The following MOB4 variants were observed in gnomAD, a reference collection of about 807,000 sequenced individuals.
The protein encoded by MOB4 is MOB family member 4, phocein.
MOB4 carries 4 observed loss-of-function variants against 32.2 expected under a neutral mutation model. That is an observed-to-expected ratio of 0.12 (90% confidence interval 0.06 to 0.28). The LOEUF (loss-of-function observed/expected upper bound fraction) is 0.28. Ranked by LOEUF, MOB4 falls within the 10% of genes least tolerant of loss-of-function variation. MOB4 has a pLI of 1.00. For synonymous variants in MOB4, 88 were observed against 88.1 expected, an observed-to-expected ratio of 1.00 and a Z score of 0.01; for missense variants, 158 against 271.2, an observed-to-expected ratio of 0.58 and a Z score of 2.93.
At chr2:197,521,378 C>T (rs532453478) in intron 1 of MOB4, among the ~76,000 whole-genome samples, 38 of 152,234 alleles carry the variant, frequency 2.5e-4, no homozygotes, top group African/African-American at 8.2e-4. Flanking sequence ...TAGAATATCA[C>T]AAGGGAAATG....
At chr2:197,526,492 G>A (rs1404636209) in intron 2 of MOB4, among the ~76,000 whole-genome samples, 1 of 151,880 alleles carries the variant, frequency 6.6e-6, no homozygotes, top group Non-Finnish European at 1.5e-5. Flanking sequence ...AATTTTTGTA[G>A]TTTTAGTTAG....
chr2:197,538,134 A>C (rs989299829), intron 3 of MOB4, among the ~76,000 whole-genome samples: 2 of 149,738 alleles, frequency 1.3e-5, no homozygotes, highest in African/African-American at 5.0e-5. Context: ...TAGTGTTACA[A>C]GGGTTTTTTT....
At chr2:197,541,019 A>G (rs938079281) in intron 5 of MOB4, among the ~76,000 whole-genome samples, 4 of 149,980 alleles carry the variant, frequency 2.7e-5, no homozygotes, top group Non-Finnish European at 5.9e-5. Flanking sequence ...TCATGCATCA[A>G]CCTCCCAAGT....
In MOB4 at chr2:197,540,012, G is replaced by A. The variant is rs921090594; in HGVS notation, c.225-99G>A. The A allele has an allele frequency of 3.1e-6, 4 of 1,278,706 alleles. No individual in the cohort carries two copies. The African/African-American group carries it at 4.5e-5, about 14-fold the overall frequency. The allele number at this position is 1,278,706 out of a possible 1,614,324, so 79.2% of individuals were successfully genotyped here. On this transcript the variant is annotated intron_variant, in intron 3 of 7. Transcript: ENST00000323303. Reference sequence around the variant, plus strand: ...GGTTTTGAGAATGGTAATGAGGGAGGAGGGATGATACTGATGGGATTCTCT... The same window carrying A: ...GGTTTTGAGAATGGTAATGAGGGAGAAGGGATGATACTGATGGGATTCTCT...
At chr2:197,544,539 G>T (rs11899288) in intron 5 of MOB4, among the ~76,000 whole-genome samples, 64,258 of 151,978 alleles carry the variant, frequency 0.42, 14,116 homozygotes, top group South Asian at 0.56. Flanking sequence ...GGATCACGAG[G>T]TCAGGAGATC....
intron 1 of MOB4, 171 bp downstream of exon 1, chr2:197,516,317 T>C: frequency 7.0e-7 from 1 of 1,425,742 alleles, no homozygotes; most frequent in Middle Eastern, 2.6e-4. Flanking sequence ...GCTGAGGCGG[T>C]GGCGGCCGCC....
rs1236259069 is a variant in MOB4, at chr2:197,553,651, T to TA, written c.*3006dup. The TA allele has an allele frequency of 6.6e-6, 1 of 152,224 alleles. No individual in the cohort carries two copies. The highest frequency in any genetic ancestry group is 2.4e-5 in the African/African-American group (1 of 41,454). The allele number at this position is 152,224 out of a possible 1,614,324, so 9.4% of individuals were successfully genotyped here. On this transcript the variant is annotated 3_prime_UTR_variant, in exon 8 of 8. Transcript: ENST00000323303. Reference sequence around the variant, plus strand: ...TGAATGTGCTAAAGGTTTCTTTGTGTAGTTCTTCCATGCTATGCGAATATT... The same window carrying TA: ...TGAATGTGCTAAAGGTTTCTTTGTGTAAGTTCTTCCATGCTATGCGAATATT...
chr2:197,530,975 A>C (rs2086691380), intron 2 of MOB4, among the ~76,000 whole-genome samples: 1 of 151,836 alleles, frequency 6.6e-6, no homozygotes, highest in Non-Finnish European at 1.5e-5. Context: ...ATGTTCACTC[A>C]GCTTTTTTTA....
At position 197,526,473 on chromosome 2, in the gene MOB4, C is replaced by T. The variant is rs372879616; in HGVS notation, c.123+2787C>T. Among the ~76,000 whole-genome samples, 10 of 152,056 alleles carry T rather than the reference C, an allele frequency of 6.6e-5. No homozygotes were observed. The East Asian group carries it at 7.7e-4, about 12-fold the overall frequency. ...CTGGGATTACAGGCGCCCGCCCCTG[C>T]GCCTGGTTAATTTTTGTAGTTTTAG... On this transcript the variant is annotated intron_variant, in intron 2 of 7. Transcript: ENST00000323303.
In MOB4 at chr2:197,516,106, C is replaced by T. The variant is rs999917584; in HGVS notation, c.20C>T (p.Thr7Met). The change falls in exon 1 of 8, where the codon ACG becomes ATG. Residue 7 changes from threonine to methionine, a missense_variant. Transcript: ENST00000323303. ...GGCACTATGGTCATGGCGGAGGGGACGGCAGTGCTGAGGCGGAACAGGCCG... is the reference window on the plus strand; with the variant it reads ...GGCACTATGGTCATGGCGGAGGGGATGGCAGTGCTGAGGCGGAACAGGCCG... MVMAEGTAVLRRNRPGT... is the reference protein window; with the variant it reads MVMAEGMAVLRRNRPGT... 7.5e-6 allele frequency: 12 copies of T among 1,602,268 alleles called. No homozygotes were observed. The highest frequency in any genetic ancestry group is 8.5e-6 in the Non-Finnish European group (10 of 1,175,700).
chr2:197,517,827 A>G (rs912894134), intron 1 of MOB4, among the ~76,000 whole-genome samples: 9 of 152,186 alleles, frequency 5.9e-5, no homozygotes, highest in Admixed American at 5.9e-4. Context: ...CTATTGGGTC[A>G]AAAGAAAAAA....
At chr2:197,529,022 C>T (rs1002860984) in intron 2 of MOB4, among the ~76,000 whole-genome samples, 2 of 150,726 alleles carry the variant, frequency 1.3e-5, no homozygotes, top group South Asian at 2.1e-4. Context: ...AGTGCAGTGG[C>T]GCGATCTCGG....
At chr2:197,537,330 G>T (rs2086817710) in intron 3 of MOB4, among the ~76,000 whole-genome samples, 1 of 152,158 alleles carries the variant, frequency 6.6e-6, no homozygotes, top group South Asian at 2.1e-4. Flanking sequence ...TGAGTTGACA[G>T]ATTATTAATA....
At chr2:197,533,497 G>T (rs1329087601) in intron 2 of MOB4, among the ~76,000 whole-genome samples, 1 of 152,112 alleles carries the variant, frequency 6.6e-6, no homozygotes, top group Admixed American at 6.6e-5. Context: ...GGCCGAGGCG[G>T]GTGGATCAGC....
At chr2:197,533,859 CAA>C (rs1479391528) in intron 2 of MOB4, 2 of 635,362 alleles carry the variant, frequency 3.1e-6, no homozygotes, top group Admixed American at 3.7e-5. Flanking sequence ...GGCCAAGAAA[CAA>C]AAGCAAAATC....
chr2:197,522,886 G>A (rs1003556271), intron 1 of MOB4, among the ~76,000 whole-genome samples: 8 of 151,904 alleles, frequency 5.3e-5, no homozygotes, highest in Middle Eastern at 3.4e-3. Context: ...GTGGTGGTGC[G>A]TGCCTGTAGT....
chr2:197,539,897 T>TA (rs2086868045), intron 3 of MOB4, among the ~76,000 whole-genome samples: 2 of 152,228 alleles, frequency 1.3e-5, no homozygotes, highest in African/African-American at 4.8e-5. Flanking sequence ...TCAGCTCACT[T>TA]AACTCTGGTA....
At chr2:197,518,002 G>A (rs1257756438) in intron 1 of MOB4, among the ~76,000 whole-genome samples, 7 of 151,854 alleles carry the variant, frequency 4.6e-5, no homozygotes, top group Admixed American at 3.9e-4. Context: ...TTAGCTGGGC[G>A]TGGTGGCGGG....
At chr2:197,529,168 G>A (rs1298933091) in intron 2 of MOB4, among the ~76,000 whole-genome samples, 1 of 151,674 alleles carries the variant, frequency 6.6e-6, no homozygotes, top group Non-Finnish European at 1.5e-5. Flanking sequence ...AGTACAGACA[G>A]GGTTTCACCA....
Sources: gnomAD v4.1 joint callset for allele counts (sites outside exome capture counted in the v4.1 genomes callset) on GRCh38, gnomAD v4.1.1 for gene constraint, MANE v1.5 for transcripts, NCBI Gene and HGNC (gene_info 2026-07-23, HGNC 2026-07-21) for gene names.